Variants in PTPRJ observed in about 807,000 individuals in gnomAD.
PTPRJ encodes the protein protein tyrosine phosphatase receptor type J, also known as receptor-type tyrosine-protein phosphatase eta.
Under a neutral mutation model 141.3 loss-of-function variants are expected in PTPRJ, and 129 were observed. The observed-to-expected ratio is 0.91, with a 90% CI of 0.79 to 1.06. PTPRJ has a LOEUF of 1.06. Ranked by LOEUF, PTPRJ falls within the 50% of genes least tolerant of loss-of-function variation. PTPRJ has a pLI of 0.00. For synonymous variants in PTPRJ, 610 were observed against 640.5 expected (o/e 0.95, Z 0.72); for missense variants, 1,601 against 1,679.7 (o/e 0.95, Z 0.82).
At chr11:48,112,311 C>T (rs1856460979) in intron 2 of PTPRJ, among the ~76,000 whole-genome samples, 1 of 152,172 alleles carries the variant, frequency 6.6e-6, no homozygotes, top group South Asian at 2.1e-4. Flanking sequence ...GGCCAAAAAT[C>T]TCCAGGAGTA....
intron 1 of PTPRJ, among the ~76,000 whole-genome samples, chr11:47,994,622 G>C (rs558889746): frequency 2.6e-5 from 4 of 151,954 alleles, no homozygotes; most frequent in African/African-American, 4.8e-5. Context: ...CCAAGATTGC[G>C]CCACTGCACT....
chr11:48,053,415 AATAT>A (rs1033913311), intron 1 of PTPRJ, among the ~76,000 whole-genome samples: 1 of 107,206 alleles, frequency 9.3e-6, no homozygotes, highest in South Asian at 2.3e-4. Context: ...AATATATATA[AATAT>A]ATATGTATAA....
chr11:48,124,850 G>A, intron 5 of PTPRJ, 118 bp from the exon 6 acceptor site: 1 of 905,278 alleles, frequency 1.1e-6, no homozygotes, highest in Non-Finnish European at 1.8e-6. Context: ...AGATATTGAT[G>A]GAGCACCAAC....
chr11:48,125,487 A>G (rs1288636479), intron 6 of PTPRJ, among the ~76,000 whole-genome samples: 1 of 152,218 alleles, frequency 6.6e-6, no homozygotes, highest in Non-Finnish European at 1.5e-5. Flanking sequence ...AACTGGCATC[A>G]TACTTTCCTC....
rs554682591 is a variant in PTPRJ at position 48,134,587 on chromosome 11, T to G, written c.1616-1452T>G. Among the ~76,000 whole-genome samples, 16 of 152,324 alleles carry G rather than the reference T, an allele frequency of 1.1e-4. No individual in the cohort carries two copies. The South Asian group carries it at 3.3e-3, about 32-fold the overall frequency. On this transcript the variant is annotated intron_variant, in intron 8 of 24. Transcript: ENST00000418331. ...GATAGTACGTAAACATGGCACAATTTTTTTTGTTTTTTGGACAAGGTGTTT... is the reference window on the plus strand; with the variant it reads ...GATAGTACGTAAACATGGCACAATTGTTTTTGTTTTTTGGACAAGGTGTTT...
chr11:48,079,850 G>A (rs1855514242), intron 1 of PTPRJ, among the ~76,000 whole-genome samples: 1 of 152,132 alleles, frequency 6.6e-6, no homozygotes, highest in Admixed American at 6.5e-5. Context: ...TCTGGGTTGG[G>A]GCTGGGGAGA....
intron 8 of PTPRJ, chr11:48,131,577 A>C (rs1006590178): frequency 4.2e-5 from 32 of 756,420 alleles, no homozygotes; most frequent in Middle Eastern, 2.3e-4. Context: ...AATGGCCCCT[A>C]TGCCAAATTT....
chr11:48,062,072 T>TC (rs1223415173), intron 1 of PTPRJ, among the ~76,000 whole-genome samples: 1 of 140,992 alleles, frequency 7.1e-6, no homozygotes, highest in African/African-American at 2.7e-5. Flanking sequence ...GCCTGGCTAA[T>TC]TTTTTTTTTT....
intron 1 of PTPRJ, among the ~76,000 whole-genome samples, chr11:48,018,673 A>G (rs1855017101): frequency 6.6e-6 from 1 of 152,096 alleles, no homozygotes. Flanking sequence ...AGCGAGGGGG[A>G]GGGGCGTCGG....
At chr11:48,154,765 A>G (rs1857561263) in intron 19 of PTPRJ, among the ~76,000 whole-genome samples, 1 of 152,082 alleles carries the variant, frequency 6.6e-6, no homozygotes, top group South Asian at 2.1e-4. Context: ...CTTGACAAGG[A>G]GTATTGGCCC....
At chr11:48,073,496 C>A (rs997967814) in intron 1 of PTPRJ, among the ~76,000 whole-genome samples, 1 of 152,208 alleles carries the variant, frequency 6.6e-6, no homozygotes, top group Non-Finnish European at 1.5e-5. Flanking sequence ...TGTTTACTAG[C>A]ACAGACTACT....
At chr11:48,021,412 TAAATAAATAAAA>T (rs1565261598) in intron 1 of PTPRJ, among the ~76,000 whole-genome samples, 1 of 125,874 alleles carries the variant, frequency 7.9e-6, no homozygotes, top group East Asian at 2.1e-4. Flanking sequence ...AATAAATAAA[TAAATAAATAAAA>T]TAAAATAAAA....
intron 21 of PTPRJ, among the ~76,000 whole-genome samples, chr11:48,159,124 T>G (rs28584548): frequency 0.098 from 88 of 898 alleles, 10 homozygotes; most frequent in African/African-American, 0.15. Context: ...GTATGTGGGG[T>G]GTGTGTGTGT....
chr11:48,025,649 T>A (rs954723150), intron 1 of PTPRJ, among the ~76,000 whole-genome samples: 5 of 152,202 alleles, frequency 3.3e-5, no homozygotes, highest in Non-Finnish European at 7.3e-5. Flanking sequence ...GTTCCTTGTC[T>A]CCTTCCCTTC....
At chr11:48,047,914 T>A (rs1854453088) in intron 1 of PTPRJ, among the ~76,000 whole-genome samples, 1 of 152,032 alleles carries the variant, frequency 6.6e-6, no homozygotes, top group Admixed American at 6.6e-5. Flanking sequence ...AGCCTTCACG[T>A]CTTGTGGGGG....
At chr11:48,015,966 C>G (rs1395200014) in intron 1 of PTPRJ, 1 of 152,262 alleles carries the variant, frequency 6.6e-6, no homozygotes, top group African/African-American at 2.4e-5. Flanking sequence ...CTGGCCCCAC[C>G]CTCTTTCCAA....
At chr11:48,139,915 T>A in intron 11 of PTPRJ, 139 bp downstream of exon 11, 1 of 897,658 alleles carries the variant, frequency 1.1e-6, no homozygotes, top group Non-Finnish European at 1.6e-6. Context: ...TTTACTGACA[T>A]AGACTGGTTT....
At chr11:48,047,067 C>T (rs1361495119) in intron 1 of PTPRJ, among the ~76,000 whole-genome samples, 1 of 151,394 alleles carries the variant, frequency 6.6e-6, no homozygotes, top group East Asian at 1.9e-4. Context: ...AGGTGCGCAC[C>T]ACCACGCCTG....
At chr11:48,098,923 A>G (rs1856084811) in intron 1 of PTPRJ, among the ~76,000 whole-genome samples, 1 of 152,230 alleles carries the variant, frequency 6.6e-6, no homozygotes, top group African/African-American at 2.4e-5. Flanking sequence ...GTGTTCTTAA[A>G]TTGGGTTGAT....
Sources: allele counts gnomAD v4.1 joint callset (sites outside exome capture counted in the v4.1 genomes callset), GRCh38; gene constraint gnomAD v4.1.1; transcripts MANE v1.5; gene names NCBI Gene and HGNC (gene_info 2026-07-23, HGNC 2026-07-21).